RNGTT: variants seen among roughly 807,000 people sequenced by gnomAD.
RNGTT encodes RNA guanylyltransferase and 5'-phosphatase.
A neutral mutation model predicts 79.3 loss-of-function variants in RNGTT; 33 were observed. That is an observed-to-expected ratio of 0.42 (90% CI 0.32 to 0.56). The LOEUF is 0.56. Ranked by LOEUF, RNGTT falls within the 20% of genes least tolerant of loss-of-function variation. The pLI, the probability that RNGTT is intolerant of heterozygous loss-of-function variation, is 0.17. For missense variants in RNGTT, 497 were observed against 739.1 expected, an observed-to-expected ratio of 0.67 and a Z score of 3.80; for synonymous variants, 222 against 235.9, an observed-to-expected ratio of 0.94 and a Z score of 0.54.
At chr6:88,832,058 T>C (rs1780889117) in intron 11 of RNGTT, among the ~76,000 whole-genome samples, 2 of 152,108 alleles carry the variant, frequency 1.3e-5, no homozygotes, top group South Asian at 2.1e-4. Context: ...CAAACTACCA[T>C]TGACTTTCTT....
intron 13 of RNGTT, among the ~76,000 whole-genome samples, chr6:88,737,762 A>C (rs565596021): frequency 3.2e-4 from 48 of 152,220 alleles, no homozygotes; most frequent in Non-Finnish European, 6.2e-4. Flanking sequence ...TTGAAATTTC[A>C]GTCTCTAGAA....
chr6:88,695,102 C>G (rs978421127), intron 13 of RNGTT, among the ~76,000 whole-genome samples: 7 of 152,044 alleles, frequency 4.6e-5, no homozygotes, highest in African/African-American at 1.7e-4. Flanking sequence ...TAACATTGGT[C>G]TGGGCAATGA....
chr6:88,679,813 T>C (rs914273857), intron 13 of RNGTT, among the ~76,000 whole-genome samples: 1 of 151,368 alleles, frequency 6.6e-6, no homozygotes, highest in East Asian at 1.9e-4. Flanking sequence ...TCATCTTTCT[T>C]TTATCACAAA....
intron 1 of RNGTT, among the ~76,000 whole-genome samples, chr6:88,953,288 A>G (rs1267148239): frequency 6.6e-6 from 1 of 152,196 alleles, no homozygotes; most frequent in Non-Finnish European, 1.5e-5. Context: ...ACAATCACAA[A>G]TTCTGGAAAT....
chr6:88,915,414 T>C (rs912403212), intron 4 of RNGTT, among the ~76,000 whole-genome samples: 5 of 152,180 alleles, frequency 3.3e-5, no homozygotes, highest in Admixed American at 6.5e-5. Flanking sequence ...AGTACATATA[T>C]ACCATAGAAT....
At chr6:88,897,590 C>T (rs1200682819) in intron 6 of RNGTT, among the ~76,000 whole-genome samples, 1 of 152,142 alleles carries the variant, frequency 6.6e-6, no homozygotes, top group Non-Finnish European at 1.5e-5. Flanking sequence ...TACCCTTCTG[C>T]TCCTTTTTTT....
intron 13 of RNGTT, among the ~76,000 whole-genome samples, chr6:88,747,948 C>CT (rs1777717712): frequency 6.6e-6 from 1 of 152,122 alleles, no homozygotes; most frequent in African/African-American, 2.4e-5. Flanking sequence ...CATCTAGTAC[C>CT]ACACAAGGAA....
chr6:88,749,471 GA>G lies in RNGTT; in HGVS notation c.1439+20302del, dbSNP rs527278709. On this transcript the variant is annotated intron_variant, in intron 13 of 15. Coordinates refer to ENST00000369485, the MANE Select transcript of RNGTT (RefSeq NM_003800.5). ...AAAGTATGACTTTAAATTGAGCAGG[GA>G]AAAAAAAATAAGGAAAAAAATCAAA... 6.3e-3 allele frequency among the ~76,000 whole-genome samples: 926 copies of G among 147,284 alleles called. 8 individuals carry two copies. Among genetic ancestry groups the G allele is most frequent in the South Asian group, 0.014 (64 of 4,618 alleles).
chr6:88,893,507 G>C (rs987037931), intron 6 of RNGTT, among the ~76,000 whole-genome samples: 9 of 152,040 alleles, frequency 5.9e-5, no homozygotes, highest in African/African-American at 2.2e-4. Flanking sequence ...CTAACACATA[G>C]AAAATATGAT....
intron 14 of RNGTT, among the ~76,000 whole-genome samples, chr6:88,648,484 A>ATAG (rs1178288711): frequency 6.8e-6 from 1 of 147,682 alleles, no homozygotes; most frequent in African/African-American, 2.5e-5. Context: ...AATAATAATA[A>ATAG]TAATAATAAT....
intron 8 of RNGTT, among the ~76,000 whole-genome samples, chr6:88,889,365 G>A (rs1023705308): frequency 6.6e-6 from 1 of 151,962 alleles, no homozygotes; most frequent in African/African-American, 2.4e-5. Flanking sequence ...TATCATTATA[G>A]TCACCTAATA....
At chr6:88,803,449 C>T (rs1300013011) in intron 11 of RNGTT, among the ~76,000 whole-genome samples, 2 of 151,686 alleles carry the variant, frequency 1.3e-5, no homozygotes, top group East Asian at 3.9e-4. Flanking sequence ...TGGCGCGCGC[C>T]TGTAGTCCCA....
intron 12 of RNGTT, among the ~76,000 whole-genome samples, chr6:88,771,311 G>GTA (rs1778657218): frequency 2.1e-5 from 1 of 48,666 alleles, no homozygotes; most frequent in East Asian, 5.3e-4. Flanking sequence ...GTATGTGTGT[G>GTA]TGTGTATATA....
intron 12 of RNGTT, among the ~76,000 whole-genome samples, chr6:88,770,664 C>G (rs1190924913): frequency 6.6e-6 from 1 of 152,148 alleles, no homozygotes; most frequent in African/African-American, 2.4e-5. Context: ...AGTGGAATGA[C>G]TGTATCACAT....
At chr6:88,694,862 A>G (rs1456842390) in intron 13 of RNGTT, among the ~76,000 whole-genome samples, 2 of 152,060 alleles carry the variant, frequency 1.3e-5, no homozygotes, top group Non-Finnish European at 2.9e-5. Context: ...CTTCCACCAC[A>G]GCATGGCCCA....
chr6:88,919,707 C>CTT (rs5878082), intron 4 of RNGTT, among the ~76,000 whole-genome samples: 1,018 of 58,476 alleles, frequency 0.017, 189 homozygotes, highest in African/African-American at 0.072. Context: ...GTCAGTAGTT[C>CTT]TTTTTTTTTT....
At chr6:88,723,838 C>T (rs573810790) in intron 13 of RNGTT, among the ~76,000 whole-genome samples, 3 of 152,224 alleles carry the variant, frequency 2.0e-5, no homozygotes, top group Admixed American at 6.5e-5. Flanking sequence ...GATTCTCCTG[C>T]CTCAGCCTCC....
At position 88,686,451 on chromosome 6, in the gene RNGTT, AAAC is replaced by A. The variant is rs199815989; in HGVS notation, c.1440-8035_1440-8033del. 6.8e-3 allele frequency among the ~76,000 whole-genome samples: 1,036 copies of A among 152,196 alleles called. 10 individuals carry two copies. The highest frequency in any genetic ancestry group is 0.023 in the African/African-American group (949 of 41,550). ...ATTCGAAAATATATGAGGAAAAGCA[AAAC>A]AACAAAAATATTAAAAATCATCCTA... On this transcript the variant is annotated intron_variant, in intron 13 of 15. Transcript: ENST00000369485.
In RNGTT at chr6:88,826,348, G is replaced by C. The variant is rs541769310; in HGVS notation, c.1269+18009C>G. 2.0e-4 allele frequency among the ~76,000 whole-genome samples: 31 copies of C among 152,312 alleles called. No individual in the cohort carries two copies. In the South Asian group the frequency reaches 6.2e-3, roughly 31 times the overall value. ...CATTTGTCTTCACACTCATGCCTTA[G>C]AGAAGTTAACTTAAACCTACGAGTT... On this transcript the variant is annotated intron_variant, in intron 11 of 15. Coordinates refer to ENST00000369485, the MANE Select transcript of RNGTT (RefSeq NM_003800.5).
Sources: gnomAD v4.1 joint callset for allele counts (sites outside exome capture counted in the v4.1 genomes callset) on GRCh38, gnomAD v4.1.1 for gene constraint, MANE v1.5 for transcripts, NCBI Gene and HGNC (gene_info 2026-07-23, HGNC 2026-07-21) for gene names.